PDIA6: variants seen among roughly 807,000 people sequenced by gnomAD.
PDIA6 encodes protein disulfide-isomerase A6.
A neutral mutation model predicts 58.4 loss-of-function variants in PDIA6; 29 were observed. The observed-to-expected ratio is 0.50, with a 90% CI of 0.37 to 0.68. PDIA6 has a LOEUF of 0.68. Among genes scored for constraint, PDIA6 ranks in the 30% least tolerant of loss-of-function variants. The pLI is 0.00. For synonymous variants in PDIA6, 192 were observed against 202.6 expected (o/e 0.95, Z 0.44); for missense variants, 480 against 551.0 (o/e 0.87, Z 1.29).
intron 1 of PDIA6, among the ~76,000 whole-genome samples, chr2:10,806,367 CAAAA>C (rs71392260): frequency 5.6e-5 from 6 of 106,320 alleles, no homozygotes; most frequent in Admixed American, 1.0e-4. Context: ...GACCTTGTCT[CAAAA>C]AAAAAAAAAA....
chr2:10,825,081 C>A (rs932581917), intron 1 of PDIA6, among the ~76,000 whole-genome samples: 1 of 152,288 alleles, frequency 6.6e-6, no homozygotes, highest in East Asian at 1.9e-4. Context: ...CTGGCCTAGC[C>A]TCCTAGCCTA....
chr2:10,812,539 C>A (rs1249266276), intron 1 of PDIA6, 139 bp downstream of exon 1: 2 of 847,230 alleles, frequency 2.4e-6, no homozygotes, highest in Non-Finnish European at 1.6e-6. Flanking sequence ...CTCCTCCGGA[C>A]GCCGAGGCCC....
upstream of PDIA6, among the ~76,000 whole-genome samples, chr2:10,834,709 C>T (rs1301664939): frequency 2.4e-5 from 1 of 42,100 alleles, no homozygotes; most frequent in African/African-American, 8.1e-5. Flanking sequence ...CTCCCTCCCT[C>T]CCTCCCTCCC....
At chr2:10,806,038 A>AC in intron 1 of PDIA6, among the ~76,000 whole-genome samples, 2 of 135,302 alleles carry the variant, frequency 1.5e-5, no homozygotes, top group East Asian at 4.1e-4. Flanking sequence ...AAAAAAAAAA[A>AC]AAAAAACGAA....
intron 1 of PDIA6, among the ~76,000 whole-genome samples, chr2:10,827,294 C>A (rs1667578626): frequency 6.6e-6 from 1 of 152,058 alleles, no homozygotes; most frequent in South Asian, 2.1e-4. Context: ...AACTTCTGAC[C>A]TCAGATGATC....
At position 10,797,227 on chromosome 2, in the gene PDIA6, A is replaced by G; in HGVS notation, c.220-20T>C. 2.5e-6 allele frequency: 4 copies of G among 1,601,866 alleles called. No homozygotes were observed. The highest frequency in any genetic ancestry group is 1.3e-5 in the African/African-American group (1 of 74,276). ...AACATCCTGTGGAAATGTAAAAGAA[A>G]TAACAATTTTTCCTTCCGCTAAAGC... is the stretch of plus-strand genomic sequence containing the variant. On this transcript the variant is annotated intron_variant, in intron 3 of 12. Transcript: ENST00000272227.
chr2:10,806,609 A>G (rs1032500999), intron 1 of PDIA6, among the ~76,000 whole-genome samples: 6 of 147,224 alleles, frequency 4.1e-5, no homozygotes, highest in African/African-American at 1.5e-4. Flanking sequence ...GCAAAACCAC[A>G]TCTCCTAAAA....
chr2:10,806,997 A>C (rs1339188910), intron 1 of PDIA6, among the ~76,000 whole-genome samples: 1 of 152,230 alleles, frequency 6.6e-6, no homozygotes, highest in Non-Finnish European at 1.5e-5. Flanking sequence ...ATACAATAGC[A>C]ATTAAAGAAA....
chr2:10,822,091 C>T (rs1241764323), intron 1 of PDIA6, among the ~76,000 whole-genome samples: 10 of 151,772 alleles, frequency 6.6e-5, no homozygotes. Flanking sequence ...AAGCATGCAC[C>T]ACCATGCCTG....
chr2:10,806,513 C>CACCTATAATCCCAAA (rs1384904293), intron 1 of PDIA6, among the ~76,000 whole-genome samples: 1 of 149,964 alleles, frequency 6.7e-6, no homozygotes, highest in Non-Finnish European at 1.5e-5. Flanking sequence ...CCATGGCTCA[C>CACCTATAATCCCAAA]ACCTATAATC....
intron 1 of PDIA6, among the ~76,000 whole-genome samples, chr2:10,827,578 C>T (rs1008817930): frequency 2.0e-5 from 3 of 151,920 alleles, no homozygotes; most frequent in Admixed American, 6.6e-5. Context: ...AATTCCAGCA[C>T]TTTGGGAGGC....
chr2:10,810,316 G>A (rs1346975105), intron 1 of PDIA6: 1 of 1,533,016 alleles, frequency 6.5e-7, no homozygotes, highest in South Asian at 1.2e-5. Flanking sequence ...AATCCACAGA[G>A]CATCATTAGG....
In PDIA6 at chr2:10,793,297, C is replaced by T. The variant is rs1666121974; in HGVS notation, c.347-95G>A. 4 of 749,086 alleles carry T rather than the reference C, an allele frequency of 5.3e-6. No homozygotes were observed. The East Asian group carries it at 1.1e-4, about 20-fold the overall frequency. The allele number at this position is 749,086 out of a possible 1,614,324, so 46.4% of individuals were successfully genotyped here. The stretch of plus-strand genomic sequence containing the variant: ...GACTGTGTCTTTACCTCACTGTCGG[C>T]TTCACCAGGTGTGACACAGTTCTGA... On this transcript the variant is annotated intron_variant, in intron 4 of 12. Transcript: ENST00000272227.
chr2:10,804,176 G>A (rs1285291125), intron 1 of PDIA6, among the ~76,000 whole-genome samples: 2 of 151,914 alleles, frequency 1.3e-5, no homozygotes, highest in African/African-American at 2.4e-5. Flanking sequence ...CCAAAGTGCT[G>A]GGATTACAGG....
chr2:10,818,050 C>G (rs1667254435), intron 2 of PDIA6, among the ~76,000 whole-genome samples: 1 of 152,096 alleles, frequency 6.6e-6, no homozygotes, highest in African/African-American at 2.4e-5. Flanking sequence ...CTCATTCATT[C>G]TGAGGTTCAG....
intron 1 of PDIA6, among the ~76,000 whole-genome samples, chr2:10,811,837 T>G (rs1386390797): frequency 1.3e-5 from 2 of 152,248 alleles, no homozygotes; most frequent in Non-Finnish European, 2.9e-5. Flanking sequence ...CCCCTGCGTC[T>G]TAAGCCCAGC....
At chr2:10,826,484 C>T (rs748979306) in intron 1 of PDIA6, among the ~76,000 whole-genome samples, 3 of 152,036 alleles carry the variant, frequency 2.0e-5, no homozygotes, top group South Asian at 2.1e-4. Context: ...CTCAGCCTCC[C>T]GAGTAGCTGG....
intron 4 of PDIA6, among the ~76,000 whole-genome samples, chr2:10,795,525 C>G (rs537591553): frequency 2.6e-5 from 4 of 152,062 alleles, no homozygotes; most frequent in Admixed American, 1.3e-4. Flanking sequence ...CCTCCAGCCT[C>G]GAGATTTGCC....
intron 1 of PDIA6, among the ~76,000 whole-genome samples, chr2:10,824,466 T>G (rs1347902238): frequency 6.6e-6 from 1 of 152,230 alleles, no homozygotes; most frequent in Non-Finnish European, 1.5e-5. Flanking sequence ...AGGAAGGGGT[T>G]TGTCACCACA....
Sources: allele counts gnomAD v4.1 joint callset (sites outside exome capture counted in the v4.1 genomes callset), GRCh38; gene constraint gnomAD v4.1.1; transcripts MANE v1.5; gene names NCBI Gene and HGNC (gene_info 2026-07-23, HGNC 2026-07-21).